The following NUP210L variants were observed in gnomAD, a reference collection of about 807,000 sequenced individuals.
The protein encoded by NUP210L is nuclear pore membrane glycoprotein 210-like.
In NUP210L, 74 loss-of-function variants were observed where a neutral mutation model predicts 208.5. The ratio of observed to expected loss-of-function variants is 0.35; its 90% CI spans 0.29 to 0.43. The LOEUF (loss-of-function observed/expected upper bound fraction) is 0.43. Ranked by LOEUF, NUP210L falls within the 20% of genes least tolerant of loss-of-function variation. The pLI, the probability that NUP210L is intolerant of heterozygous loss-of-function variation, is 1.00. For missense variants in NUP210L, 1,843 were observed against 2,289.4 expected (o/e 0.81, Z 3.98); for synonymous variants, 780 against 816.9 (o/e 0.95, Z 0.77).
chr1:154,071,988 G>A (rs966224221), intron 16 of NUP210L, among the ~76,000 whole-genome samples: 1 of 151,808 alleles, frequency 6.6e-6, no homozygotes, highest in Non-Finnish European at 1.5e-5. Context: ...GTGTGTGTGT[G>A]TGTGTGTGTG....
chr1:154,124,226 C>A (rs1246449360), intron 10 of NUP210L, among the ~76,000 whole-genome samples: 4 of 133,172 alleles, frequency 3.0e-5, no homozygotes, highest in African/African-American at 2.7e-5. Context: ...GAGAGCACAA[C>A]GGGGATGGTA....
At chr1:154,142,884 A>G (rs1165225033) in intron 3 of NUP210L, among the ~76,000 whole-genome samples, 1 of 140,752 alleles carries the variant, frequency 7.1e-6, no homozygotes, top group Non-Finnish European at 1.5e-5. Flanking sequence ...GCGAGACTCC[A>G]TCTCAAAAAA....
At chr1:154,142,875 C>T (rs1459419992) in intron 3 of NUP210L, among the ~76,000 whole-genome samples, 6 of 140,210 alleles carry the variant, frequency 4.3e-5, no homozygotes, top group African/African-American at 1.1e-4. Flanking sequence ...GGCAACAGAG[C>T]GAGACTCCAT....
At chr1:154,100,199 C>T (rs1431472494) in intron 13 of NUP210L, 56 bp from the exon 14 acceptor site, 7 of 1,578,450 alleles carry the variant, frequency 4.4e-6, no homozygotes, top group Non-Finnish European at 5.2e-6. Flanking sequence ...CTTGTAATCC[C>T]AGCACTTTGG....
In NUP210L at chr1:154,124,219, A is replaced by C. The variant is rs372262538; in HGVS notation, c.1326+2104T>G. 2.6e-3 allele frequency among the ~76,000 whole-genome samples: 384 copies of C among 146,796 alleles called. 2 individuals carry two copies. The highest frequency in any genetic ancestry group is 9.0e-3 in the African/African-American group (364 of 40,574). ...AAAAAAAAAAAAAAGAGAGAGAGAG[A>C]GCACAACGGGGATGGTAAAAAAAAA... On this transcript the variant is annotated intron_variant, in intron 10 of 39. Coordinates refer to ENST00000368559, the Ensembl canonical transcript of NUP210L.
rs35923188 is a variant in NUP210L at position 154,112,858 on chromosome 1, GAA to G, written c.1620+4865_1620+4866del. Among the ~76,000 whole-genome samples, 1,077 of 127,242 alleles carry G rather than the reference GAA, an allele frequency of 8.5e-3. 16 individuals are homozygous for G. The highest frequency in any genetic ancestry group is 0.029 in the African/African-American group (1,011 of 34,892). The allele number at this position is 127,242 out of a possible 152,430, so 83.5% of individuals were successfully genotyped here. Reference sequence around the variant, plus strand: ...GCAACAGAATGAGACCCTGTCTGGGGAAAAAAAAAAAAAAAAGGCCAGGTGCA... The same window carrying G: ...GCAACAGAATGAGACCCTGTCTGGGGAAAAAAAAAAAAAAGGCCAGGTGCA... On this transcript the variant is annotated intron_variant, in intron 12 of 39. Coordinates refer to ENST00000368559, the Ensembl canonical transcript of NUP210L.
intron 12 of NUP210L, among the ~76,000 whole-genome samples, chr1:154,106,175 C>T (rs367884444): frequency 6.6e-6 from 1 of 152,004 alleles, no homozygotes; most frequent in African/African-American, 2.4e-5. Flanking sequence ...GCAAGGGAAT[C>T]GCTCGAACCC....
rs1653792187 is a variant in NUP210L, at chr1:154,055,183, C to CTTTCTT, written c.3241-357_3241-352dup. Among the ~76,000 whole-genome samples the CTTTCTT allele has an allele frequency of 9.4e-5, 10 of 106,522 alleles. No individual in the cohort carries two copies. The South Asian group carries it at 2.3e-3, about 25-fold the overall frequency. 69.9% of individuals were successfully genotyped at this position (106,522 alleles called of 152,430 possible). ...TCTTTCTTTCTTTCTTTCTTTCTTT[C>CTTTCTT]TTTCTTTTTCTTTCTTTCTTTCTCT... On this transcript the variant is annotated intron_variant, in intron 23 of 39. Transcript: ENST00000368559.
At chr1:154,031,757 T>C (rs973276962) in intron 27 of NUP210L, among the ~76,000 whole-genome samples, 138 of 152,000 alleles carry the variant, frequency 9.1e-4, no homozygotes, top group African/African-American at 3.3e-3. Flanking sequence ...TTCGTTCTGT[T>C]GCCCAGGTTG....
chr1:154,125,620 T>TG (rs1657859228), intron 10 of NUP210L, among the ~76,000 whole-genome samples: 3 of 64,284 alleles, frequency 4.7e-5, no homozygotes, highest in African/African-American at 6.8e-5. Flanking sequence ...AGGCCCTCTC[T>TG]GAAAGGAAGG....
intron 27 of NUP210L, among the ~76,000 whole-genome samples, chr1:154,043,978 G>C (rs1029286347): frequency 2.6e-5 from 4 of 152,096 alleles, no homozygotes; most frequent in African/African-American, 9.7e-5. Context: ...GAAAAAATCT[G>C]TGTGGCTCTC....
chr1:154,093,357 G>A (rs1036433757), intron 15 of NUP210L, among the ~76,000 whole-genome samples: 29 of 152,104 alleles, frequency 1.9e-4, no homozygotes, highest in Admixed American at 3.9e-4. Flanking sequence ...GAACCCAGGA[G>A]GTGGAGGTTA....
intron 10 of NUP210L, among the ~76,000 whole-genome samples, chr1:154,122,787 A>G (rs1657681122): frequency 6.6e-6 from 1 of 151,606 alleles, no homozygotes; most frequent in Non-Finnish European, 1.5e-5. Context: ...GGCCAGGTGC[A>G]GTGGCTCACA....
intron 17 of NUP210L, among the ~76,000 whole-genome samples, chr1:154,065,078 T>C (rs1654329409): frequency 1.5e-5 from 2 of 132,026 alleles, no homozygotes; most frequent in Non-Finnish European, 3.2e-5. Flanking sequence ...TCCATCTCAG[T>C]AAATAAATAA....
intron 14 of NUP210L, among the ~76,000 whole-genome samples, chr1:154,098,844 C>G (rs928658147): frequency 1.3e-5 from 2 of 152,206 alleles, no homozygotes; most frequent in Admixed American, 1.3e-4. Context: ...AGGAACTTGT[C>G]TGCCTCCTGC....
intron 12 of NUP210L, among the ~76,000 whole-genome samples, chr1:154,112,013 T>C (rs1259987665): frequency 6.6e-6 from 1 of 151,518 alleles, no homozygotes; most frequent in Non-Finnish European, 1.5e-5. Context: ...CTGCAACCTC[T>C]GCCTCCCAGG....
chr1:154,056,792 T>G, intron 23 of NUP210L, 23 bp downstream of exon 23: 1 of 1,543,850 alleles, frequency 6.5e-7, no homozygotes, highest in Non-Finnish European at 8.7e-7. Flanking sequence ...AAGTACAAAT[T>G]TTGGATGAGA....
chr1:154,054,992 C>T (rs1347423818), intron 23 of NUP210L, among the ~76,000 whole-genome samples, 160 bp from the exon 24 acceptor site: 1 of 152,060 alleles, frequency 6.6e-6, no homozygotes, highest in Non-Finnish European at 1.5e-5. Flanking sequence ...CCTTGAACTC[C>T]TGGGCTCAAG....
intron 33 of NUP210L, among the ~76,000 whole-genome samples, chr1:154,015,280 TAAAA>T (rs35604037): frequency 4.5e-5 from 6 of 133,188 alleles, no homozygotes; most frequent in Admixed American, 7.5e-5. Context: ...TACTGGATGT[TAAAA>T]AAAAAAAAAA....
Sources: allele counts gnomAD v4.1 joint callset (sites outside exome capture counted in the v4.1 genomes callset), GRCh38; gene constraint gnomAD v4.1.1; transcripts MANE v1.5; gene names NCBI Gene and HGNC (gene_info 2026-07-23, HGNC 2026-07-21).